Variants in SBNO1 observed in about 807,000 individuals in gnomAD.
The protein encoded by SBNO1 is protein strawberry notch homolog 1.
SBNO1 carries 23 observed loss-of-function variants against 173.6 expected under a neutral mutation model. That is an observed-to-expected ratio of 0.13 (90% CI 0.10 to 0.19). The LOEUF (loss-of-function observed/expected upper bound fraction) is 0.19. Ranked by LOEUF, SBNO1 falls within the 10% of genes least tolerant of loss-of-function variation. SBNO1 has a pLI of 1.00. For synonymous variants in SBNO1, 632 were observed against 571.5 expected (o/e 1.11, Z -1.51); for missense variants, 1,238 against 1,671.2 (o/e 0.74, Z 4.52).
At chr12:123,355,059 C>T (rs913788439) in intron 1 of SBNO1, among the ~76,000 whole-genome samples, 2 of 151,798 alleles carry the variant, frequency 1.3e-5, no homozygotes, top group Non-Finnish European at 2.9e-5. Flanking sequence ...CTTGCTCTGT[C>T]GCCCAGGCTG....
intron 1 of SBNO1, among the ~76,000 whole-genome samples, chr12:123,359,340 T>G (rs979653668): frequency 6.6e-6 from 1 of 151,252 alleles, no homozygotes; most frequent in African/African-American, 2.4e-5. Context: ...AAGCCAGGAG[T>G]TCGAGACCAG....
At position 123,292,054 on chromosome 12, in the gene SBNO1, C is replaced by T. The variant is rs1036682741; in HGVS notation, c.*3854G>A. ...TTTTTTTTGCAGTTTTTGCTCTCAG[C>T]TGTAGCCCTGACATGAAACGCTTGC... On this transcript the variant is annotated 3_prime_UTR_variant, in exon 32 of 32. Transcript: ENST00000602398. 1 of 148,994 alleles carries T rather than the reference C, an allele frequency of 6.7e-6. No individual in the cohort carries two copies. Among genetic ancestry groups the T allele is most frequent in the African/African-American group, 2.5e-5 (1 of 40,452 alleles). 9.2% of individuals were successfully genotyped at this position (148,994 alleles called of 1,614,324 possible).
intron 2 of SBNO1, 28 bp from the exon 3 acceptor site, chr12:123,348,161 A>C (rs1204852232): frequency 8.3e-7 from 1 of 1,206,710 alleles, no homozygotes; most frequent in Admixed American, 2.4e-5. Context: ...TCAGACAAAA[A>C]ATAAAAGGAC....
At chr12:123,333,778 A>G (rs1002284510) in intron 7 of SBNO1, among the ~76,000 whole-genome samples, 3 of 152,162 alleles carry the variant, frequency 2.0e-5, no homozygotes, top group Non-Finnish European at 4.4e-5. Flanking sequence ...GATTGCAGAC[A>G]TGAGCCACTG....
In SBNO1 at chr12:123,364,796, C is replaced by T; in HGVS notation, c.-96G>A. On this transcript the variant is annotated 5_prime_UTR_variant, in exon 1 of 32. Transcript: ENST00000602398. ...GGAGCGGAGGCGGCGGTGGCGGCGG[C>T]AGCAGCGGCGTCCTGCTCTGCCTAC... is the stretch of plus-strand genomic sequence containing the variant. The T allele has an allele frequency of 3.0e-6, 3 of 987,138 alleles. No individual in the cohort carries two copies. The highest frequency in any genetic ancestry group is 2.4e-6 in the Non-Finnish European group (2 of 831,506). 61.1% of individuals were successfully genotyped at this position (987,138 alleles called of 1,614,324 possible). A position where few individuals can be genotyped will look rare whatever the true frequency, so the allele number is the denominator to read the frequency against.
chr12:123,326,381 G>A, intron 13 of SBNO1, 47 bp from the exon 14 acceptor site: 1 of 1,305,022 alleles, frequency 7.7e-7, no homozygotes, highest in Non-Finnish European at 1.0e-6. Context: ...TTTGAGTCTA[G>A]TTATTTAAAA....
In SBNO1 at chr12:123,327,355, A is replaced by C. The variant is rs1407908878; in HGVS notation, c.1692+71T>G. On this transcript the variant is annotated intron_variant, in intron 13 of 31. Coordinates refer to ENST00000602398, the MANE Select transcript of SBNO1 (RefSeq NM_001167856.3). ...CATTCCCATGGGCAGGAGGCATCGC[A>C]ATCGCCAAAACTAACAGAAACATTA... The C allele has an allele frequency of 6.8e-6, 9 of 1,325,272 alleles. No individual in the cohort carries two copies. The Admixed American group carries it at 1.4e-4, about 20-fold the overall frequency. The allele number at this position is 1,325,272 out of a possible 1,614,324, so 82.1% of individuals were successfully genotyped here.
rs1386779158 is a variant in SBNO1 at position 123,362,801 on chromosome 12, A to AG, written c.-1+1899dup. ...AAAAAAAAAAAAAAAAAGATTCTGA[A>AG]GGGGCCAGGCACAATGGCTCATGCC... On this transcript the variant is annotated intron_variant, in intron 1 of 31. Transcript: ENST00000602398. Among the ~76,000 whole-genome samples the AG allele has an allele frequency of 2.7e-5, 4 of 145,890 alleles. 1 individual carries two copies. In the East Asian group the frequency reaches 8.0e-4, roughly 29 times the overall value.
At chr12:123,297,951 T>C in intron 31 of SBNO1, 27 bp downstream of exon 31, 1 of 1,607,620 alleles carries the variant, frequency 6.2e-7, no homozygotes. Context: ...TTCCTGCAAC[T>C]CAAACCAAAA....
chr12:123,304,824 T>C, intron 28 of SBNO1, 105 bp from the exon 29 acceptor site: 1 of 784,678 alleles, frequency 1.3e-6, no homozygotes, highest in Non-Finnish European at 2.1e-6. Context: ...ACTATAACAC[T>C]AAGTAAGTAC....
chr12:123,308,681 A>AC (rs2048982882), intron 28 of SBNO1, among the ~76,000 whole-genome samples: 1 of 152,010 alleles, frequency 6.6e-6, no homozygotes. Context: ...TCTCAAAAAA[A>AC]AGTTAATTCA....
chr12:123,331,184 G>C (rs999922928), intron 8 of SBNO1, 58 bp downstream of exon 8: 3 of 1,565,764 alleles, frequency 1.9e-6, no homozygotes, highest in South Asian at 1.1e-5. Flanking sequence ...GGATGGTCTC[G>C]ATCTCCTAAC....
chr12:123,290,553 G>A lies in SBNO1; in HGVS notation c.*5355C>T, dbSNP rs1377801948. The A allele has an allele frequency of 1.3e-5, 2 of 152,012 alleles. No individual in the cohort carries two copies. Among genetic ancestry groups the A allele is most frequent in the African/African-American group, 2.4e-5 (1 of 41,380 alleles). 9.4% of individuals were successfully genotyped at this position (152,012 alleles called of 1,614,324 possible). On this transcript the variant is annotated 3_prime_UTR_variant, in exon 32 of 32. Transcript: ENST00000602398. ...GATCCCGCTCTGCTTCTAGGCTTAC[G>A]GCTGATGTAGACAAGATCCACTCAC... is the stretch of plus-strand genomic sequence containing the variant.
At chr12:123,356,966 G>C (rs1874532420) in intron 1 of SBNO1, among the ~76,000 whole-genome samples, 1 of 152,118 alleles carries the variant, frequency 6.6e-6, no homozygotes, top group Admixed American at 6.5e-5. Flanking sequence ...AGCTTTATCT[G>C]TGCTTTTATG....
intron 30 of SBNO1, among the ~76,000 whole-genome samples, chr12:123,301,181 T>C (rs2048780471): frequency 6.6e-6 from 1 of 152,006 alleles, no homozygotes; most frequent in African/African-American, 2.4e-5. Flanking sequence ...CTAATTTTTT[T>C]ATTTTTAGTA....
chr12:123,303,482 C>T (rs963105660), intron 29 of SBNO1, among the ~76,000 whole-genome samples: 7 of 151,912 alleles, frequency 4.6e-5, no homozygotes, highest in African/African-American at 1.7e-4. Context: ...TCCGTCTCTA[C>T]TAAACATACA....
rs559068549 is a variant in SBNO1 at position 123,311,275 on chromosome 12, A to G, written c.3221-146T>C. 1.3e-5 allele frequency: 8 copies of G among 638,408 alleles called. No individual in the cohort carries two copies. In the South Asian group the frequency reaches 1.5e-4, roughly 12 times the overall value. 39.5% of individuals were successfully genotyped at this position (638,408 alleles called of 1,614,324 possible). A position where few individuals can be genotyped will look rare whatever the true frequency, so the allele number is the denominator to read the frequency against. On this transcript the variant is annotated intron_variant, in intron 24 of 31. Coordinates refer to ENST00000602398, the MANE Select transcript of SBNO1 (RefSeq NM_001167856.3). ...ATATAAACATGGAGAAAATGTGGAGAGAACTGCCCTTGTTCACTCTGTCAT... is the reference window on the plus strand; with the variant it reads ...ATATAAACATGGAGAAAATGTGGAGGGAACTGCCCTTGTTCACTCTGTCAT...
intron 7 of SBNO1, among the ~76,000 whole-genome samples, chr12:123,333,238 T>C (rs1871425925): frequency 6.6e-6 from 1 of 152,216 alleles, no homozygotes; most frequent in African/African-American, 2.4e-5. Context: ...TCATTACTTA[T>C]TTTACAGATA....
intron 3 of SBNO1, among the ~76,000 whole-genome samples, chr12:123,346,025 C>T (rs1282180890): frequency 6.6e-6 from 1 of 152,164 alleles, no homozygotes; most frequent in African/African-American, 2.4e-5. Context: ...GTTAAACGGA[C>T]AACTTTGACG....
Sources: gnomAD v4.1 joint callset for allele counts (sites outside exome capture counted in the v4.1 genomes callset) on GRCh38, gnomAD v4.1.1 for gene constraint, MANE v1.5 for transcripts, NCBI Gene and HGNC (gene_info 2026-07-23, HGNC 2026-07-21) for gene names.